The following CRACDL variants were observed in gnomAD, a reference collection of about 807,000 sequenced individuals.
CRACDL encodes CRACD-like protein.
Under a neutral mutation model 70.6 loss-of-function variants are expected in CRACDL, and 26 were observed. The ratio of observed to expected loss-of-function variants is 0.37; its 90% CI spans 0.27 to 0.51. CRACDL has a LOEUF of 0.51. Among genes scored for constraint, CRACDL ranks in the 20% least tolerant of loss-of-function variants. CRACDL has a pLI of 0.94. For missense variants in CRACDL, 1,283 were observed against 1,376.9 expected (o/e 0.93, Z 1.08); for synonymous variants, 618 against 615.2 (o/e 1.00, Z -0.07).
At chr2:98,817,092 G>A (rs771388902) in intron 7 of CRACDL, among the ~76,000 whole-genome samples, 1 of 152,200 alleles carries the variant, frequency 6.6e-6, no homozygotes, top group Non-Finnish European at 1.5e-5. Context: ...AGTGAAATCA[G>A]CTAGTCACAG....
At chr2:98,871,294 T>C (rs1284986447) in intron 1 of CRACDL, among the ~76,000 whole-genome samples, 1 of 152,222 alleles carries the variant, frequency 6.6e-6, no homozygotes, top group Non-Finnish European at 1.5e-5. Flanking sequence ...TAGGACCTCC[T>C]TAGGCCCTGG....
chr2:98,885,006 C>G (rs751369122), intron 1 of CRACDL, among the ~76,000 whole-genome samples: 25 of 152,160 alleles, frequency 1.6e-4, no homozygotes, highest in Non-Finnish European at 3.5e-4. Flanking sequence ...GAACAAGTGA[C>G]CACTGAGTCA....
intron 5 of CRACDL, 42 bp downstream of exon 5, chr2:98,832,306 C>A: frequency 6.2e-7 from 1 of 1,608,286 alleles, no homozygotes; most frequent in Non-Finnish European, 8.5e-7. Flanking sequence ...CCCTCCAGGG[C>A]AGGTGTGGAT....
intron 5 of CRACDL, among the ~76,000 whole-genome samples, chr2:98,830,924 T>C (rs528671662): frequency 6.6e-6 from 1 of 152,308 alleles, no homozygotes; most frequent in South Asian, 2.1e-4. Context: ...GGGGAGTCCA[T>C]CTATGATGAG....
At chr2:98,813,362 A>T (rs1473457470) in intron 7 of CRACDL, among the ~76,000 whole-genome samples, 1 of 152,120 alleles carries the variant, frequency 6.6e-6, no homozygotes, top group Non-Finnish European at 1.5e-5. Flanking sequence ...AACCTGGCAG[A>T]TGGAGGTTGC....
intron 7 of CRACDL, among the ~76,000 whole-genome samples, chr2:98,803,576 C>G (rs1704171233): frequency 6.6e-6 from 1 of 152,156 alleles, no homozygotes; most frequent in Non-Finnish European, 1.5e-5. Flanking sequence ...ATCAACAACC[C>G]AAGGGAGCTG....
Position 98,855,899 on chromosome 2 carries a change from A to G in CRACDL, c.-10-9089T>C, listed in dbSNP as rs189360809. Among the ~76,000 whole-genome samples the G allele has an allele frequency of 6.2e-4, 94 of 152,338 alleles. 1 individual carries two copies. In the East Asian group the frequency reaches 0.013, roughly 22 times the overall value. On this transcript the variant is annotated intron_variant, in intron 1 of 9. Transcript: ENST00000397899. ...AGGAGATTCGAGTTGGCACAATAAAAAAATCAGCAAATTAAAAAATAGATC... is the reference window on the plus strand; with the variant it reads ...AGGAGATTCGAGTTGGCACAATAAAGAAATCAGCAAATTAAAAAATAGATC...
At chr2:98,905,729 T>C (rs1464481211) in intron 1 of CRACDL, among the ~76,000 whole-genome samples, 1 of 151,698 alleles carries the variant, frequency 6.6e-6, no homozygotes, top group African/African-American at 2.4e-5. Flanking sequence ...GTGATCCTCC[T>C]GCCTCATCCT....
intron 9 of CRACDL, among the ~76,000 whole-genome samples, chr2:98,795,099 G>A (rs1703762450): frequency 3.1e-5 from 1 of 31,878 alleles, no homozygotes; most frequent in African/African-American, 8.6e-5. Flanking sequence ...TTTTGAGACA[G>A]AAGTCTCACT....
chr2:98,925,082 C>T (rs1708882027), intron 1 of CRACDL, among the ~76,000 whole-genome samples: 1 of 152,194 alleles, frequency 6.6e-6, no homozygotes, highest in Non-Finnish European at 1.5e-5. Flanking sequence ...CCCTTCTCTC[C>T]TGTGGAAGCT....
intron 1 of CRACDL, among the ~76,000 whole-genome samples, chr2:98,917,214 T>A (rs1243810627): frequency 6.6e-6 from 1 of 152,224 alleles, no homozygotes; most frequent in Non-Finnish European, 1.5e-5. Context: ...GACGAATGAC[T>A]CATTCCCCAT....
At chr2:98,829,207 G>T (rs1705438194) in intron 5 of CRACDL, among the ~76,000 whole-genome samples, 1 of 152,222 alleles carries the variant, frequency 6.6e-6, no homozygotes, top group Non-Finnish European at 1.5e-5. Flanking sequence ...TCCTCCCTGT[G>T]GGCCGCCCTG....
intron 1 of CRACDL, among the ~76,000 whole-genome samples, chr2:98,924,711 C>T (rs1708874115): frequency 6.6e-6 from 1 of 152,128 alleles, no homozygotes; most frequent in African/African-American, 2.4e-5. Context: ...CCACCTCCTT[C>T]CTCCTACTCC....
intron 7 of CRACDL, among the ~76,000 whole-genome samples, chr2:98,803,997 G>A (rs1255690555): frequency 2.0e-5 from 3 of 152,156 alleles, no homozygotes; most frequent in African/African-American, 7.2e-5. Context: ...TAAACAGCTT[G>A]AGGGGTTTTG....
At chr2:98,926,817 G>A (rs917244285) in intron 1 of CRACDL, among the ~76,000 whole-genome samples, 4 of 152,292 alleles carry the variant, frequency 2.6e-5, no homozygotes, top group Admixed American at 2.6e-4. Flanking sequence ...TCCTTCCCAC[G>A]CCTGCAGCGA....
chr2:98,812,748 T>C (rs1332886298), intron 7 of CRACDL, among the ~76,000 whole-genome samples: 3 of 152,106 alleles, frequency 2.0e-5, no homozygotes, highest in Admixed American at 6.5e-5. Flanking sequence ...GAATACTTTA[T>C]ATATTCTAAA....
chr2:98,903,327 C>T (rs1415692132), intron 1 of CRACDL, among the ~76,000 whole-genome samples: 1 of 152,102 alleles, frequency 6.6e-6, no homozygotes, highest in East Asian at 1.9e-4. Flanking sequence ...TCCCTGGGGG[C>T]GCATGGACCA....
At chr2:98,918,494 C>T (rs1223561783) in intron 1 of CRACDL, among the ~76,000 whole-genome samples, 1 of 139,430 alleles carries the variant, frequency 7.2e-6, no homozygotes, top group East Asian at 2.1e-4. Flanking sequence ...GACGAGATCA[C>T]GCCATTGCAC....
intron 1 of CRACDL, among the ~76,000 whole-genome samples, chr2:98,928,901 A>G (rs921255972): frequency 1.3e-5 from 2 of 152,162 alleles, no homozygotes; most frequent in Admixed American, 1.3e-4. Context: ...CCAAAACTAC[A>G]TGGAATTCGG....
Sources: allele counts gnomAD v4.1 joint callset (sites outside exome capture counted in the v4.1 genomes callset), GRCh38; gene constraint gnomAD v4.1.1; transcripts MANE v1.5; gene names NCBI Gene and HGNC (gene_info 2026-07-23, HGNC 2026-07-21).